CCN1: variants seen among roughly 807,000 people sequenced by gnomAD.
The protein encoded by CCN1 is CCN family member 1.
Under a neutral mutation model 38.1 loss-of-function variants are expected in CCN1, and 12 were observed. The observed-to-expected ratio is 0.31, with a 90% CI of 0.20 to 0.51. The LOEUF (loss-of-function observed/expected upper bound fraction) is 0.51, where lower values mean the gene tolerates loss of function less well. CCN1 is among the 20% of genes least tolerant of loss of function. The probability of loss-of-function intolerance (pLI) is 0.97; values close to 1 mark genes in which losing one functional copy is unlikely to be tolerated. For missense variants in CCN1, 466 were observed against 490.9 expected (o/e 0.95, Z 0.48); for synonymous variants, 202 against 196.1 (o/e 1.03, Z -0.25).
chr1:85,581,770 C>T (rs1325843050), intron 2 of CCN1, 158 bp from the exon 3 acceptor site: 1 of 1,091,454 alleles, frequency 9.2e-7, no homozygotes, highest in East Asian at 2.4e-5. Flanking sequence ...AAAGTGATTC[C>T]TGACTAACTT....
chr1:85,581,193 C>A, intron 1 of CCN1, 146 bp downstream of exon 1: 4 of 1,192,576 alleles, frequency 3.4e-6, no homozygotes, highest in East Asian at 2.6e-5. Context: ...CCCCTCCCCC[C>A]GAAGACGTGT....
Position 85,583,056 on chromosome 1 carries a change from T to G in CCN1, c.*14T>G, listed in dbSNP as rs1436778484. ...TTTAGGGACTAAATGCTACCTGGGT[T>G]TCCAGGGCACACCTAGACAAACAAG... On this transcript the variant is annotated 3_prime_UTR_variant, in exon 5 of 5. Transcript: ENST00000451137. 1 of 1,602,884 alleles carries G rather than the reference T, an allele frequency of 6.2e-7. No individual in the cohort carries two copies. Among genetic ancestry groups the G allele is most frequent in the South Asian group, 1.1e-5 (1 of 90,314 alleles).
At chr1:85,581,631 C>T in intron 2 of CCN1, 53 bp downstream of exon 2, 1 of 1,566,696 alleles carries the variant, frequency 6.4e-7, no homozygotes, top group Non-Finnish European at 8.7e-7. Flanking sequence ...CCCCATAGTC[C>T]AGAAGTTTAG....
In CCN1 at chr1:85,582,117, A is replaced by G. The variant is rs1429820121; in HGVS notation, c.467A>G (p.Gln156Arg). ...CCTCGGCTGGTCAAAGTTACCGGGC[A>G]GTGCTGCGAGGAGTGGGTCTGTGAC... is the stretch of plus-strand genomic sequence containing the variant. ...PNPRLVKVTG[Q>R]CCEEWVCDED... is the part of the protein sequence containing the mutation. Residue 156 changes from glutamine to arginine, a missense_variant, in exon 3 of 5, where the codon CAG (glutamine) becomes CGG (arginine). Coordinates refer to ENST00000451137, the MANE Select transcript of CCN1 (RefSeq NM_001554.5). The G allele has an allele frequency of 5.6e-6, 9 of 1,614,050 alleles. No individual in the cohort carries two copies. The South Asian group carries it at 7.7e-5, about 14-fold the overall frequency.
Position 85,583,825 on chromosome 1 carries a change from TTAAAA to T in CCN1, c.*787_*791del, listed in dbSNP as rs1258303983. The T allele has an allele frequency of 6.6e-6, 1 of 152,232 alleles. No individual in the cohort carries two copies. The highest frequency in any genetic ancestry group is 1.5e-5 in the Non-Finnish European group (1 of 68,036). The allele number at this position is 152,232 out of a possible 1,614,324, so 9.4% of individuals were successfully genotyped here. ...TGGGATACAGCAGTGAATTAAGCTA[TTAAAA>T]TAAGATAATGATTGCTTTTATACCT... On this transcript the variant is annotated 3_prime_UTR_variant, in exon 5 of 5. Coordinates refer to ENST00000451137, the MANE Select transcript of CCN1 (RefSeq NM_001554.5).
rs747085932 is a variant in CCN1, at chr1:85,582,934, C to A, written c.1038C>A (p.Asn346Lys). ...AAGATGGGGAGACATTTTCCAAGAA[C>A]GTCATGATGATCCAGTCCTGCAAAT... is the stretch of plus-strand genomic sequence containing the variant. Reference protein sequence around the residue: ...RCEDGETFSKNVMMIQSCKCN... With the variant: ...RCEDGETFSKKVMMIQSCKCN... Residue 346 changes from asparagine (N) to lysine (K), a missense_variant, in exon 5 of 5, where the codon AAC becomes AAA. Physicochemically the swap from Asn to Lys is moderately conservative, Grantham distance 94. Coordinates refer to ENST00000451137, the MANE Select transcript of CCN1 (RefSeq NM_001554.5). 1 of 1,614,198 alleles carries A rather than the reference C, an allele frequency of 6.2e-7. No homozygotes were observed. Among genetic ancestry groups the A allele is most frequent in the Non-Finnish European group, 8.5e-7 (1 of 1,180,052 alleles).
chr1:85,580,779 C>T lies in CCN1; in HGVS notation c.-206C>T, dbSNP rs1182806228. ...CCTGGGCAGACCGCGAGCGAGAGCG[C>T]CCCCGAGCAGCGCCCGCGCCCTCCG... is the stretch of plus-strand genomic sequence containing the variant. On this transcript the variant is annotated 5_prime_UTR_variant, in exon 1 of 5. Transcript: ENST00000451137. 7.6e-6 allele frequency: 3 copies of T among 397,106 alleles called. No individual in the cohort carries two copies. The highest frequency in any genetic ancestry group is 1.3e-5 in the Non-Finnish European group (3 of 230,676). The allele number at this position is 397,106 out of a possible 1,614,324, so 24.6% of individuals were successfully genotyped here.
In CCN1 at chr1:85,582,741, AG is replaced by A. The variant is rs770435967; in HGVS notation, c.848del (p.Gly283AlafsTer22). 1 of 1,613,012 alleles carries A rather than the reference AG, an allele frequency of 6.2e-7. No homozygotes were observed. The highest frequency in any genetic ancestry group is 1.3e-5 in the African/African-American group (1 of 74,916). On this transcript the variant is annotated frameshift_variant and splice_region_variant, in exon 5 of 5. Transcript: ENST00000451137. LOFTEE classifies it high-confidence loss of function. ...TTCCTTCTCTCCTTTCTCTTACAGA[AG>A]GGCAAGAAATGCAGCAAGACCAAGA... ...CGQPVYSSLK[K>X]GKKCSKTKKS...
rs763859276 is a variant in CCN1, at chr1:85,582,874, G to T, written c.978G>T (p.Gln326His). The change falls in exon 5 of 5, where the codon CAG becomes CAT. Residue 326 changes from glutamine (Q) to histidine (H), a missense_variant. Gln to His is a conservative substitution (Grantham distance 24, BLOSUM62 0). This residue lies in a region of CCN1 where 309 missense variants were observed against 319.9 expected (regional missense o/e 0.97). Transcript: ENST00000451137. ...TGGACGGCCGATGCTGCACGCCCCA[G>T]CTGACCAGGACTGTGAAGATGCGGT... is the stretch of plus-strand genomic sequence containing the variant. ...SCVDGRCCTP[Q>H]LTRTVKMRFR... 1.2e-6 allele frequency: 2 copies of T among 1,614,208 alleles called. No homozygotes were observed. Among genetic ancestry groups the T allele is most frequent in the Non-Finnish European group, 1.7e-6 (2 of 1,180,040 alleles).
At chr1:85,581,849 A>T (rs1241693766) in intron 2 of CCN1, 79 bp from the exon 3 acceptor site, 1 of 1,425,836 alleles carries the variant, frequency 7.0e-7, no homozygotes, top group South Asian at 1.2e-5. Flanking sequence ...AACAGCAGAA[A>T]ATATGTATGA....
At chr1:85,581,113 G>T in intron 1 of CCN1, 66 bp downstream of exon 1, 1 of 1,517,508 alleles carries the variant, frequency 6.6e-7, no homozygotes, top group African/African-American at 1.4e-5. Flanking sequence ...CCTGGTCCCA[G>T]ATTGCCCACG....
At position 85,580,967 on chromosome 1, in the gene CCN1, C is replaced by T; in HGVS notation, c.-18C>T. On this transcript the variant is annotated 5_prime_UTR_variant, in exon 1 of 5. Coordinates refer to ENST00000451137, the MANE Select transcript of CCN1 (RefSeq NM_001554.5). ...TCTTCGTCGCCGCGCTCGCCCCGGG[C>T]TACTCCTGCGCGCCACAATGAGCTC... The T allele has an allele frequency of 6.3e-7, 1 of 1,589,768 alleles. No homozygotes were observed. The highest frequency in any genetic ancestry group is 8.5e-7 in the Non-Finnish European group (1 of 1,170,536).
chr1:85,580,981 C>T lies in CCN1; in HGVS notation c.-4C>T. 1.2e-6 allele frequency: 2 copies of T among 1,602,384 alleles called. No homozygotes were observed. The highest frequency in any genetic ancestry group is 1.7e-6 in the Non-Finnish European group (2 of 1,175,736). On this transcript the variant is annotated 5_prime_UTR_variant, in exon 1 of 5. Transcript: ENST00000451137. ...CTCGCCCCGGGCTACTCCTGCGCGC[C>T]ACAATGAGCTCCCGCATCGCCAGGG...
chr1:85,581,556 C>A lies in CCN1; in HGVS notation c.255C>A (p.Thr85=). The A allele has an allele frequency of 1.2e-6, 2 of 1,613,950 alleles. No homozygotes were observed. The highest frequency in any genetic ancestry group is 8.5e-7 in the Non-Finnish European group (1 of 1,179,988). ...GLECNFGASS[T]ALKGICRAQS... ...AATGCAACTTCGGCGCCAGCTCCAC[C>A]GCTCTGAAGGGGATCTGCAGAGGTA... is the stretch of plus-strand genomic sequence containing the variant. The change falls in exon 2 of 5, where the codon ACC becomes ACA. Residue 85 remains threonine, a synonymous_variant. Coordinates refer to ENST00000451137, the MANE Select transcript of CCN1 (RefSeq NM_001554.5).
chr1:85,583,585 A>T lies in CCN1; in HGVS notation c.*543A>T, dbSNP rs1050957576. The T allele has an allele frequency of 6.5e-6, 1 of 152,838 alleles. No homozygotes were observed. The highest frequency in any genetic ancestry group is 2.4e-5 in the African/African-American group (1 of 41,462). 9.5% of individuals were successfully genotyped at this position (152,838 alleles called of 1,614,324 possible). A position where few individuals can be genotyped will look rare whatever the true frequency, so the allele number is the denominator to read the frequency against. On this transcript the variant is annotated 3_prime_UTR_variant, in exon 5 of 5. Transcript: ENST00000451137. ...CTGAATGTTTTATTTATCAAAATGT[A>T]GCTTTTGGGGAGGGAGGGGAAATGT...
In CCN1 at chr1:85,580,940, C is replaced by G. The variant is rs752842272; in HGVS notation, c.-45C>G. 1 of 1,520,730 alleles carries G rather than the reference C, an allele frequency of 6.6e-7. No individual in the cohort carries two copies. Among genetic ancestry groups the G allele is most frequent in the Non-Finnish European group, 8.8e-7 (1 of 1,139,010 alleles). The allele number at this position is 1,520,730 out of a possible 1,614,324, so 94.2% of individuals were successfully genotyped here. A position where few individuals can be genotyped will look rare whatever the true frequency, so the allele number is the denominator to read the frequency against. On this transcript the variant is annotated 5_prime_UTR_variant, in exon 1 of 5. Transcript: ENST00000451137. ...TGTCCGCTGCACACCAGCTTGTTGG[C>G]GTCTTCGTCGCCGCGCTCGCCCCGG... is the stretch of plus-strand genomic sequence containing the variant.
rs1456144245 is a variant in CCN1 at position 85,583,931 on chromosome 1, A to G, written c.*889A>G. The stretch of plus-strand genomic sequence containing the variant: ...TGAACACGACATTGTATGAAGCACA[A>G]TAAAGATTCTGAAGCTAAATTTGTG... On this transcript the variant is annotated 3_prime_UTR_variant, in exon 5 of 5. Transcript: ENST00000451137. 1 of 152,236 alleles carries G rather than the reference A, an allele frequency of 6.6e-6. No individual in the cohort carries two copies. The highest frequency in any genetic ancestry group is 1.9e-4 in the East Asian group (1 of 5,208). The allele number at this position is 152,236 out of a possible 1,614,324, so 9.4% of individuals were successfully genotyped here.
rs1486555816 is a variant in CCN1 at position 85,582,182 on chromosome 1, C to T, written c.532C>T (p.Leu178Phe). Residue 178 changes from leucine to phenylalanine, a missense_variant, in exon 3 of 5, where the codon CTC (leucine) becomes TTC (phenylalanine). By Grantham distance (22) the Leu-to-Phe change is conservative. Around this residue, in one of 3 missense-constraint regions of CCN1, gnomAD observed 309 missense variants for 319.9 expected, o/e 0.97. Transcript: ENST00000451137. ...GGACCCCATGGAGGACCAGGACGGC[C>T]TCCTTGGCAAGGAGCTGGGATTCGA... ...IKDPMEDQDG[L>F]LGKELGFDAS... 1 of 1,614,128 alleles carries T rather than the reference C, an allele frequency of 6.2e-7. No individual in the cohort carries two copies. The highest frequency in any genetic ancestry group is 1.7e-5 in the Admixed American group (1 of 60,016).
In CCN1 at chr1:85,583,227, A is replaced by T. The variant is rs1659829818; in HGVS notation, c.*185A>T. On this transcript the variant is annotated 3_prime_UTR_variant, in exon 5 of 5. Transcript: ENST00000451137. ...GCCAAGGGTGCTGGTGCGGATGGAC[A>T]CTAATGCAGCCACGATTGGAGAATA... is the stretch of plus-strand genomic sequence containing the variant. 3.2e-6 allele frequency: 2 copies of T among 632,300 alleles called. No individual in the cohort carries two copies. The highest frequency in any genetic ancestry group is 5.4e-6 in the Non-Finnish European group (2 of 369,230). The allele number at this position is 632,300 out of a possible 1,614,324, so 39.2% of individuals were successfully genotyped here. A position where few individuals can be genotyped will look rare whatever the true frequency, so the allele number is the denominator to read the frequency against.
Sources: allele counts gnomAD v4.1 joint callset, GRCh38; gene constraint gnomAD v4.1.1; regional missense constraint gnomAD v4.1.1; transcripts MANE v1.5; gene names NCBI Gene and HGNC (gene_info 2026-07-23, HGNC 2026-07-21).